Variants in TAS2R60 observed in about 807,000 individuals in gnomAD.
The protein encoded by TAS2R60 is taste 2 receptor member 60, also known as taste receptor type 2 member 60.
A neutral mutation model predicts 19.5 loss-of-function variants in TAS2R60; 16 were observed. The ratio of observed to expected loss-of-function variants is 0.82; its 90% CI spans 0.55 to 1.24. The LOEUF is 1.24. Ranked by LOEUF, TAS2R60 falls within the 50% of genes most tolerant of loss-of-function variation. TAS2R60 has a pLI of 0.00. For synonymous variants in TAS2R60, 141 were observed against 143.3 expected, an observed-to-expected ratio of 0.98 and a Z score of 0.11; for missense variants, 362 against 382.7, an observed-to-expected ratio of 0.95 and a Z score of 0.45.
At position 143,443,740 on chromosome 7, in the gene TAS2R60, A is replaced by G. The variant is rs757069217; in HGVS notation, c.288A>G (p.Leu96=). ...CATACAACCCTGTACTGCAGTTTCT[A>G]GCTTTCCAGTGGGACTTCCTGAATG... ...AFPYNPVLQF[L]AFQWDFLNAA... The change falls in exon 1 of 1, where the codon CTA becomes CTG. Residue 96 remains leucine, a synonymous_variant. Coordinates refer to ENST00000332690, the MANE Select transcript of TAS2R60 (RefSeq NM_177437.1). The G allele has an allele frequency of 6.2e-7, 1 of 1,613,996 alleles. No homozygotes were observed. The highest frequency in any genetic ancestry group is 1.7e-5 in the Admixed American group (1 of 60,014).
chr7:143,443,557 T>C lies in TAS2R60; in HGVS notation c.105T>C (p.Asn35=), dbSNP rs376224021. The C allele has an allele frequency of 4.9e-5, 79 of 1,614,110 alleles. No individual in the cohort carries two copies. The highest frequency in any genetic ancestry group is 6.4e-5 in the Non-Finnish European group (76 of 1,180,044). ...TACGCCTGGTAGCAATAGCAGGCAATGGCTTCATCACTGCTGCTCTGGGCG... is the reference window on the plus strand; with the variant it reads ...TACGCCTGGTAGCAATAGCAGGCAACGGCTTCATCACTGCTGCTCTGGGCG... The part of the protein sequence containing the change: ...LLLRLVAIAG[N]GFITAALGVE... Residue 35 remains asparagine, a synonymous_variant, in exon 1 of 1, where the codon AAT becomes AAC. Coordinates refer to ENST00000332690, the MANE Select transcript of TAS2R60 (RefSeq NM_177437.1).
chr7:143,443,486 G>T lies in TAS2R60; in HGVS notation c.34G>T (p.Val12Leu). ...NGDHMVLGSS[V>L]TDKKAIILVT... The stretch of plus-strand genomic sequence containing the variant: ...AGACCACATGGTTCTAGGATCTTCG[G>T]TGACTGACAAGAAGGCCATCATCTT... The change falls in exon 1 of 1, where the codon GTG (valine) becomes TTG (leucine). Residue 12 changes from valine to leucine, a missense_variant. Coordinates refer to ENST00000332690, the MANE Select transcript of TAS2R60 (RefSeq NM_177437.1). The T allele has an allele frequency of 6.2e-7, 1 of 1,613,192 alleles. No homozygotes were observed. The highest frequency in any genetic ancestry group is 1.1e-5 in the South Asian group (1 of 90,900).
Position 143,444,030 on chromosome 7 carries a change from A to C in TAS2R60, c.578A>C (p.Tyr193Ser), listed in dbSNP as rs755540104. ...ATACGGAGCTACTGTGAGAAATTCT[A>C]TCTCTTCCCTCTAAAAATGATTACT... Reference protein sequence around the residue: ...DSIRSYCEKFYLFPLKMITWT... With the variant: ...DSIRSYCEKFSLFPLKMITWT... The change falls in exon 1 of 1, where the codon TAT becomes TCT. Residue 193 changes from tyrosine (Y) to serine (S), a missense_variant. Transcript: ENST00000332690. 7 of 1,614,060 alleles carry C rather than the reference A, an allele frequency of 4.3e-6. No homozygotes were observed. Among genetic ancestry groups the C allele is most frequent in the Middle Eastern group, 1.6e-4 (1 of 6,084 alleles).
chr7:143,444,316 T>C lies in TAS2R60; in HGVS notation c.864T>C (p.Cys288=), dbSNP rs779783188. ...FWVWESVIYL[C]AAVHPIILLF... ...TGTGGGAGTCAGTGATTTATCTGTG[T>C]GCAGCAGTTCACCCCATCATTCTGC... Residue 288 remains cysteine (C), a synonymous_variant, in exon 1 of 1, where the codon TGT becomes TGC. Coordinates refer to ENST00000332690, the MANE Select transcript of TAS2R60 (RefSeq NM_177437.1). The C allele has an allele frequency of 9.3e-6, 15 of 1,613,734 alleles. No homozygotes were observed. Among genetic ancestry groups the C allele is most frequent in the Admixed American group, 3.3e-5 (2 of 60,002 alleles).
Position 143,443,927 on chromosome 7 carries a change from T to C in TAS2R60, c.475T>C (p.Phe159Leu). 6.2e-7 allele frequency: 1 copy of C among 1,614,078 alleles called. No individual in the cohort carries two copies. The highest frequency in any genetic ancestry group is 8.5e-7 in the Non-Finnish European group (1 of 1,180,036). The change falls in exon 1 of 1, where the codon TTT (phenylalanine) becomes CTT (leucine). Residue 159 changes from phenylalanine (F) to leucine (L), a missense_variant. Transcript: ENST00000332690. ...GCTCTCCAGCTTCACCACCATTCTA[T>C]TTTTCATAGGCAACCACAGAATGTA... ...VGLSSFTTILFFIGNHRMYQN... is the reference protein window; with the variant it reads ...VGLSSFTTILLFIGNHRMYQN...
chr7:143,443,535 G>A lies in TAS2R60; in HGVS notation c.83G>A (p.Arg28His), dbSNP rs746946255. 47 of 1,614,032 alleles carry A rather than the reference G, an allele frequency of 2.9e-5. No homozygotes were observed. Among genetic ancestry groups the A allele is most frequent in the African/African-American group, 9.3e-5 (7 of 74,906 alleles). Residue 28 changes from arginine to histidine, a missense_variant, in exon 1 of 1, where the codon CGC becomes CAC. Coordinates refer to ENST00000332690, the MANE Select transcript of TAS2R60 (RefSeq NM_177437.1). ...TTGGTTACCATTTTACTCCTTTTAC[G>A]CCTGGTAGCAATAGCAGGCAATGGC... Reference protein sequence around the residue: ...IILVTILLLLRLVAIAGNGFI... With the variant: ...IILVTILLLLHLVAIAGNGFI...
rs919299515 is a variant in TAS2R60, at chr7:143,443,854, G to T, written c.402G>T (p.Lys134Asn). 1.9e-6 allele frequency: 3 copies of T among 1,613,540 alleles called. No individual in the cohort carries two copies. Among genetic ancestry groups the T allele is most frequent in the Non-Finnish European group, 8.5e-7 (1 of 1,180,022 alleles). Reference protein sequence around the residue: ...TFTHPVFFWLKHKLSGWLPWM... With the variant: ...TFTHPVFFWLNHKLSGWLPWM... ...CCCACCCTGTCTTCTTCTGGCTAAA[G>T]CACAAGTTGTCTGGGTGGCTACCAT... Residue 134 changes from lysine (K) to asparagine (N), a missense_variant, in exon 1 of 1, where the codon AAG becomes AAT. Transcript: ENST00000332690.
rs1331763379 is a variant in TAS2R60 at position 143,444,087 on chromosome 7, G to A, written c.635G>A (p.Cys212Tyr). 6.2e-7 allele frequency: 1 copy of A among 1,613,974 alleles called. No individual in the cohort carries two copies. The part of the protein sequence containing the change: ...WTMPTAVFFI[C>Y]MILLITSLGR... ...ATGCCCACTGCTGTCTTTTTCATTT[G>A]CATGATTTTGCTCATCACATCTCTG... is the stretch of plus-strand genomic sequence containing the variant. Residue 212 changes from cysteine (C) to tyrosine (Y), a missense_variant, in exon 1 of 1, where the codon TGC (cysteine) becomes TAC (tyrosine). Cys to Tyr is a radical substitution (Grantham distance 194, BLOSUM62 -2). Transcript: ENST00000332690.
rs201362799 is a variant in TAS2R60, at chr7:143,443,479, A to T, written c.27A>T (p.Gly9=). Residue 9 remains glycine, a synonymous_variant, in exon 1 of 1, where the codon GGA becomes GGT. Coordinates refer to ENST00000332690, the MANE Select transcript of TAS2R60 (RefSeq NM_177437.1). The part of the protein sequence containing the change: MNGDHMVL[G]SSVTDKKAII... ...TGAATGGAGACCACATGGTTCTAGG[A>T]TCTTCGGTGACTGACAAGAAGGCCA... is the stretch of plus-strand genomic sequence containing the variant. 4 of 1,612,492 alleles carry T rather than the reference A, an allele frequency of 2.5e-6. No individual in the cohort carries two copies. Among genetic ancestry groups the T allele is most frequent in the East Asian group, 2.2e-5 (1 of 44,866 alleles).
rs771079210 is a variant in TAS2R60 at position 143,444,347 on chromosome 7, A to G, written c.895A>G (p.Ser299Gly). Reference protein sequence around the residue: ...AAVHPIILLFSNCRLRAVLKS... With the variant: ...AAVHPIILLFGNCRLRAVLKS... ...AGTTCACCCCATCATTCTGCTCTTC[A>G]GCAACTGCAGGCTGAGAGCTGTGCT... Residue 299 changes from serine (S) to glycine (G), a missense_variant, in exon 1 of 1, where the codon AGC becomes GGC. Coordinates refer to ENST00000332690, the MANE Select transcript of TAS2R60 (RefSeq NM_177437.1). The G allele has an allele frequency of 1.4e-5, 22 of 1,612,342 alleles. No homozygotes were observed. The highest frequency in any genetic ancestry group is 1.7e-5 in the Non-Finnish European group (20 of 1,180,004).
At position 143,443,569 on chromosome 7, in the gene TAS2R60, T is replaced by G. The variant is rs772558783; in HGVS notation, c.117T>G (p.Thr39=). 2.5e-6 allele frequency: 4 copies of G among 1,614,228 alleles called. No individual in the cohort carries two copies. The East Asian group carries it at 8.9e-5, about 36-fold the overall frequency. ...LVAIAGNGFI[T]AALGVEWVLR... ...CAATAGCAGGCAATGGCTTCATCAC[T>G]GCTGCTCTGGGCGTGGAGTGGGTGC... The change falls in exon 1 of 1, where the codon ACT becomes ACG. Residue 39 remains threonine, a synonymous_variant. Transcript: ENST00000332690.
In TAS2R60 at chr7:143,443,887, C is replaced by T. The variant is rs376147576; in HGVS notation, c.435C>T (p.Leu145=). ...TGTCTGGGTGGCTACCATGGATGCT[C>T]TTCAGCTCTGTAGGGCTCTCCAGCT... is the stretch of plus-strand genomic sequence containing the variant. ...HKLSGWLPWM[L]FSSVGLSSFT... Residue 145 remains leucine, a synonymous_variant, in exon 1 of 1, where the codon CTC becomes CTT. Transcript: ENST00000332690. The T allele has an allele frequency of 2.5e-6, 4 of 1,613,838 alleles. No homozygotes were observed. In the African/African-American group the frequency reaches 4.0e-5, roughly 16 times the overall value.
Position 143,443,779 on chromosome 7 carries a change from G to T in TAS2R60, c.327G>T (p.Trp109Cys). Residue 109 changes from tryptophan (W) to cysteine (C), a missense_variant, in exon 1 of 1, where the codon TGG becomes TGT. Physicochemically the swap from Trp to Cys is radical, Grantham distance 215 (BLOSUM62 -2). Coordinates refer to ENST00000332690, the MANE Select transcript of TAS2R60 (RefSeq NM_177437.1). Reference sequence around the variant, plus strand: ...ACTTCCTGAATGCTGCCACCTTATGGTCCTCTACCTGGCTCAGTGTCTTCT... The same window carrying T: ...ACTTCCTGAATGCTGCCACCTTATGTTCCTCTACCTGGCTCAGTGTCTTCT... ...QWDFLNAATL[W>C]SSTWLSVFYC... 6.2e-7 allele frequency: 1 copy of T among 1,613,602 alleles called. No individual in the cohort carries two copies. The highest frequency in any genetic ancestry group is 8.5e-7 in the Non-Finnish European group (1 of 1,180,010).
At chr7:143,443,844 TC>T in the TAS2R60 span, 1 of 1,610,574 alleles carries the variant, frequency 6.2e-7, no homozygotes. Flanking sequence ...CCTGTCTTCT[TC>T]TGGCTAAAGC....
rs1228888507 is a variant in TAS2R60, at chr7:143,443,661, A to C, written c.209A>C (p.Gln70Pro). ...CTAGGGGCCTCTCGCTTCTGTCTGC[A>C]GTCAGTGGTAATGGGTAAGACCATT... The part of the protein sequence containing the change: ...VSLGASRFCL[Q>P]SVVMGKTIYV... Residue 70 changes from glutamine (Q) to proline (P), a missense_variant, in exon 1 of 1, where the codon CAG becomes CCG. Transcript: ENST00000332690. 2 of 1,614,110 alleles carry C rather than the reference A, an allele frequency of 1.2e-6. No homozygotes were observed. Among genetic ancestry groups the C allele is most frequent in the African/African-American group, 1.3e-5 (1 of 75,038 alleles).
Position 143,444,397 on chromosome 7 carries a change from T to C in TAS2R60, c.945T>C (p.Cys315=), listed in dbSNP as rs1180038790. 3.7e-6 allele frequency: 6 copies of C among 1,602,234 alleles called. No homozygotes were observed. Among genetic ancestry groups the C allele is most frequent in the Non-Finnish European group, 5.1e-6 (6 of 1,178,684 alleles). Residue 315 remains cysteine (C), a synonymous_variant, in exon 1 of 1, where the codon TGT becomes TGC. Coordinates refer to ENST00000332690, the MANE Select transcript of TAS2R60 (RefSeq NM_177437.1). ...AVLKSRRSSR[C]GTP ...TGAAGAGTCGTCGTTCCTCAAGGTG[T>C]GGGACACCTTGAGCCACAGCTGATG... is the stretch of plus-strand genomic sequence containing the variant.
chr7:143,443,623 G>A lies in TAS2R60; in HGVS notation c.171G>A (p.Lys57=), dbSNP rs781027645. Residue 57 remains lysine (K), a synonymous_variant, in exon 1 of 1, where the codon AAG becomes AAA. Transcript: ENST00000332690. ...VLRRMLLPCD[K]LLVSLGASRF... is the part of the protein sequence containing the mutation. ...GGAGAATGTTGTTGCCTTGTGATAA[G>A]TTATTGGTTAGCCTAGGGGCCTCTC... The A allele has an allele frequency of 2.5e-6, 4 of 1,614,214 alleles. No individual in the cohort carries two copies. In the Admixed American group the frequency reaches 5.0e-5, roughly 20 times the overall value.
At position 143,444,136 on chromosome 7, in the gene TAS2R60, C is replaced by G. The variant is rs146233225; in HGVS notation, c.684C>G (p.Leu228=). The G allele has an allele frequency of 1.2e-6, 2 of 1,614,128 alleles. No individual in the cohort carries two copies. The highest frequency in any genetic ancestry group is 2.7e-5 in the African/African-American group (2 of 74,946). The change falls in exon 1 of 1, where the codon CTC becomes CTG. Residue 228 remains leucine (L), a synonymous_variant. Transcript: ENST00000332690. ...TGGGAAGACACAGGAAGAAGGCTCTCCTTACAACCTCAGGATTCCGAGAGC... is the reference window on the plus strand; with the variant it reads ...TGGGAAGACACAGGAAGAAGGCTCTGCTTACAACCTCAGGATTCCGAGAGC... ...TSLGRHRKKA[L]LTTSGFREPS...
Position 143,443,817 on chromosome 7 carries a change from T to G in TAS2R60, c.365T>G (p.Ile122Ser). The change falls in exon 1 of 1, where the codon ATT (isoleucine) becomes AGT (serine). Residue 122 changes from isoleucine (I) to serine (S), a missense_variant. Transcript: ENST00000332690. ...TWLSVFYCVK[I>S]ATFTHPVFFW... ...CTCAGTGTCTTCTATTGTGTGAAAA[T>G]TGCTACCTTCACCCACCCTGTCTTC... 28 of 1,613,276 alleles carry G rather than the reference T, an allele frequency of 1.7e-5. No individual in the cohort carries two copies. Among genetic ancestry groups the G allele is most frequent in the Non-Finnish European group, 2.4e-5 (28 of 1,179,942 alleles).
Sources: gnomAD v4.1 joint callset for allele counts on GRCh38, gnomAD v4.1.1 for gene constraint, MANE v1.5 for transcripts, NCBI Gene and HGNC (gene_info 2026-07-23, HGNC 2026-07-21) for gene names.